Variants in CTPS1 observed in about 807,000 individuals in gnomAD.
CTPS1 encodes CTP synthetase 1.
In CTPS1, 25 loss-of-function variants were observed where a neutral mutation model predicts 80.5. The observed-to-expected ratio is 0.31, with a 90% CI of 0.23 to 0.43. The LOEUF (loss-of-function observed/expected upper bound fraction) is 0.43, where lower values mean the gene tolerates loss of function less well. CTPS1 is among the 20% of genes least tolerant of loss of function. CTPS1 has a pLI of 1.00. For synonymous variants in CTPS1, 267 were observed against 252.5 expected (o/e 1.06, Z -0.54); for missense variants, 442 against 725.7 (o/e 0.61, Z 4.49).
chr1:41,000,993 G>C, intron 9 of CTPS1, 36 bp from the exon 10 acceptor site: 1 of 1,477,032 alleles, frequency 6.8e-7, no homozygotes, highest in East Asian at 2.3e-5. Flanking sequence ...CTGGGGTCAC[G>C]AGCCTGCTTT....
intron 2 of CTPS1, among the ~76,000 whole-genome samples, chr1:40,984,078 A>G (rs1642389228): frequency 6.6e-6 from 1 of 152,246 alleles, no homozygotes; most frequent in South Asian, 2.1e-4. Flanking sequence ...GAAAATATGC[A>G]AGCATTAAAT....
At chr1:40,988,283 T>TC (rs1642509993) in intron 4 of CTPS1, among the ~76,000 whole-genome samples, 1 of 151,856 alleles carries the variant, frequency 6.6e-6, no homozygotes, top group African/African-American at 2.4e-5. Context: ...TTTTTCTTTT[T>TC]TTTTTTTTTT....
chr1:41,006,196 C>A, intron 13 of CTPS1, 102 bp downstream of exon 13: 1 of 1,009,364 alleles, frequency 9.9e-7, no homozygotes, highest in South Asian at 1.4e-5. Flanking sequence ...CTGCTTGAGT[C>A]CATCCCAAAG....
rs769781688 is a variant in CTPS1 at position 41,011,885 on chromosome 1, C to T, written c.*237C>T. 2.6e-5 allele frequency: 4 copies of T among 152,190 alleles called. No individual in the cohort carries two copies. In the South Asian group the frequency reaches 8.3e-4, roughly 32 times the overall value. 9.4% of individuals were successfully genotyped at this position (152,190 alleles called of 1,614,324 possible). On this transcript the variant is annotated 3_prime_UTR_variant, in exon 19 of 19. Transcript: ENST00000650070. ...TTGCAGTTCTTGAGTTGCGGCAGAA[C>T]ATCGCGATGGGAACCGATGGTGGGT... is the stretch of plus-strand genomic sequence containing the variant.
At chr1:40,985,933 C>G (rs1460174144) in intron 3 of CTPS1, among the ~76,000 whole-genome samples, 1 of 152,202 alleles carries the variant, frequency 6.6e-6, no homozygotes, top group East Asian at 1.9e-4. Flanking sequence ...AAGTGTTTCC[C>G]TGACTTCCTG....
In CTPS1 at chr1:40,991,738, C is replaced by T. The variant is rs750733212; in HGVS notation, c.640-27C>T. 4.5e-5 allele frequency: 70 copies of T among 1,554,926 alleles called. 1 individual carries two copies. The South Asian group carries it at 7.7e-4, about 17-fold the overall frequency. On this transcript the variant is annotated intron_variant, in intron 6 of 18. Transcript: ENST00000650070. ...TACTTCTGTCATTTTTTCCTTCTGTCTAAGCCATCTTGTTCTCTACTGCTA... is the reference window on the plus strand; with the variant it reads ...TACTTCTGTCATTTTTTCCTTCTGTTTAAGCCATCTTGTTCTCTACTGCTA...
At chr1:40,997,144 G>A (rs1001407352) in intron 8 of CTPS1, 17 of 396,278 alleles carry the variant, frequency 4.3e-5, no homozygotes, top group Non-Finnish European at 7.6e-5. Flanking sequence ...TTTTGTGGGG[G>A]TTTTTTGAGG....
chr1:40,981,822 TG>T, intron 1 of CTPS1: 1 of 322,856 alleles, frequency 3.1e-6, no homozygotes, highest in South Asian at 2.7e-5. Flanking sequence ...GGAAGACTTC[TG>T]AGCATTCTTC....
intron 12 of CTPS1, among the ~76,000 whole-genome samples, chr1:41,004,998 G>A (rs902252852): frequency 7.3e-5 from 11 of 151,612 alleles, no homozygotes; most frequent in African/African-American, 2.4e-4. Flanking sequence ...GTGTGGTGGT[G>A]TGCGCCTGTA....
chr1:41,009,566 G>C lies in CTPS1; in HGVS notation c.1668G>C (p.Gln556His). 1 of 1,614,050 alleles carries C rather than the reference G, an allele frequency of 6.2e-7. No individual in the cohort carries two copies. Among genetic ancestry groups the C allele is most frequent in the Non-Finnish European group, 8.5e-7 (1 of 1,180,014 alleles). Residue 556 changes from glutamine (Q) to histidine (H), a missense_variant, in exon 17 of 19, where the codon CAG becomes CAC. Gln to His is a conservative substitution (Grantham distance 24, BLOSUM62 0). This residue lies in a region of CTPS1 where 321 missense variants were observed against 467.2 expected (regional missense o/e 0.69). Transcript: ENST00000650070. ...ASVGRLSHYL[Q>H]KGCRLSPRDT... ...TGGGGCGGCTCTCACATTACCTCCA[G>C]AAAGGCTGCAGGCTCTCACCCAGGT...
At chr1:40,981,418 T>G in intron 1 of CTPS1, among the ~76,000 whole-genome samples, 1 of 152,222 alleles carries the variant, frequency 6.6e-6, no homozygotes, top group East Asian at 1.9e-4. Flanking sequence ...GATGAATCTT[T>G]TGTAGAAGTA....
chr1:40,982,025 T>G, intron 1 of CTPS1: 1 of 1,288,312 alleles, frequency 7.8e-7, no homozygotes, highest in African/African-American at 1.5e-5. Flanking sequence ...TCTAATTGTG[T>G]TTTTCATTTT....
intron 7 of CTPS1, among the ~76,000 whole-genome samples, chr1:40,994,583 T>A (rs1393567808): frequency 6.6e-6 from 1 of 152,244 alleles, no homozygotes; most frequent in Non-Finnish European, 1.5e-5. Context: ...ACTGATTGTT[T>A]ACCTGTAAAT....
At chr1:40,986,746 C>T (rs182452648) in intron 3 of CTPS1, among the ~76,000 whole-genome samples, 2 of 152,170 alleles carry the variant, frequency 1.3e-5, no homozygotes, top group Non-Finnish European at 2.9e-5. Context: ...ATGGCAGGCA[C>T]TTTACCGAGC....
At chr1:40,998,440 G>A (rs1269142045) in intron 9 of CTPS1, among the ~76,000 whole-genome samples, 3 of 149,496 alleles carry the variant, frequency 2.0e-5, no homozygotes, top group African/African-American at 2.5e-5. Flanking sequence ...GCCTGAGCCC[G>A]GTGACCAGGG....
Position 41,001,026 on chromosome 1 carries a change from C to T in CTPS1, c.1006-3C>T. 1 of 1,605,154 alleles carries T rather than the reference C, an allele frequency of 6.2e-7. No individual in the cohort carries two copies. The highest frequency in any genetic ancestry group is 8.5e-7 in the Non-Finnish European group (1 of 1,176,864). On this transcript the variant is annotated splice_polypyrimidine_tract_variant and splice_region_variant and intron_variant, in intron 9 of 18. Coordinates refer to ENST00000650070, the MANE Select transcript of CTPS1 (RefSeq NM_001905.4). The stretch of plus-strand genomic sequence containing the variant: ...TTTTCTCCCCTGTCTGAATAACATC[C>T]AGTACATAGATTCTGCGGACTTGGA...
At chr1:40,997,208 G>T in intron 8 of CTPS1, 186 bp from the exon 9 acceptor site, 1 of 613,372 alleles carries the variant, frequency 1.6e-6, no homozygotes. Flanking sequence ...TCAGCTCACT[G>T]TAACCTCCAA....
chr1:40,991,165 C>A lies in CTPS1; in HGVS notation c.556C>A (p.Pro186Thr). ...TTTTTTTTTTTCTTTTGTGAAATAG[C>A]CAAGTTCAACAGGGGAACAGAAGAC... ...CNIHVSLVPQPSSTGEQKTKP... is the reference protein window; with the variant it reads ...CNIHVSLVPQTSSTGEQKTKP... The change falls in exon 6 of 19, where the codon CCA becomes ACA. Residue 186 changes from proline to threonine, a missense_variant and splice_region_variant. Transcript: ENST00000650070. 2 of 1,572,054 alleles carry A rather than the reference C, an allele frequency of 1.3e-6. No homozygotes were observed. The highest frequency in any genetic ancestry group is 2.3e-5 in the East Asian group (1 of 43,832).
chr1:40,991,736 G>T (rs1250610426), intron 6 of CTPS1, 29 bp from the exon 7 acceptor site: 2 of 1,547,066 alleles, frequency 1.3e-6, no homozygotes, highest in Admixed American at 1.7e-5. Context: ...TTTTCCTTCT[G>T]TCTAAGCCAT....
Sources: gnomAD v4.1 joint callset for allele counts (sites outside exome capture counted in the v4.1 genomes callset) on GRCh38, gnomAD v4.1.1 for gene constraint, gnomAD v4.1.1 regional missense constraint, MANE v1.5 for transcripts, NCBI Gene and HGNC (gene_info 2026-07-23, HGNC 2026-07-21) for gene names.